Variants in AKAP7 observed in about 807,000 individuals in gnomAD.
AKAP7 encodes A kinase (PRKA) anchor protein 7.
Under a neutral mutation model 39.5 loss-of-function variants are expected in AKAP7, and 39 were observed. The ratio of observed to expected loss-of-function variants is 0.99; its 90% CI spans 0.76 to 1.29. The LOEUF is 1.29. AKAP7 is among the 50% of genes most tolerant of loss of function. AKAP7 has a pLI of 0.00. For synonymous variants in AKAP7, 140 were observed against 139.1 expected (o/e 1.01, Z -0.05); for missense variants, 414 against 407.7 (o/e 1.02, Z -0.13).
chr6:131,152,972 C>A (rs1182236124), intron 2 of AKAP7, among the ~76,000 whole-genome samples: 2 of 149,700 alleles, frequency 1.3e-5, no homozygotes, highest in Non-Finnish European at 3.0e-5. Context: ...ACTAAAAATA[C>A]AAAAAAAATT....
Position 131,135,731 on chromosome 6 carries a change from A to C in AKAP7, c.-33A>C, listed in dbSNP as rs1414515509. Reference sequence around the variant, plus strand: ...GCGGCCCGCCACCGCCGCTGCCGCCAGCCCAGACGCGCCGCCCGCATGCGC... The same window carrying C: ...GCGGCCCGCCACCGCCGCTGCCGCCCGCCCAGACGCGCCGCCCGCATGCGC... On this transcript the variant is annotated 5_prime_UTR_variant, in exon 1 of 8. Transcript: ENST00000431975. The C allele has an allele frequency of 8.2e-7, 1 of 1,212,994 alleles. No homozygotes were observed. The highest frequency in any genetic ancestry group is 1.0e-6 in the Non-Finnish European group (1 of 978,074). The allele number at this position is 1,212,994 out of a possible 1,614,324, so 75.1% of individuals were successfully genotyped here.
chr6:131,276,533 C>A (rs531397044), intron 7 of AKAP7, among the ~76,000 whole-genome samples: 2 of 149,814 alleles, frequency 1.3e-5, no homozygotes, highest in South Asian at 4.3e-4. Flanking sequence ...GTTAGATGGA[C>A]AAAAGAAAAG....
In AKAP7 at chr6:131,241,591, G is replaced by A. The variant is rs1274119574; in HGVS notation, c.850+21783G>A. On this transcript the variant is annotated intron_variant, in intron 7 of 7. Coordinates refer to ENST00000431975, the MANE Select transcript of AKAP7 (RefSeq NM_016377.4). ...AGATTATATATATGTGTGTGTGTGT[G>A]TGTGTGTGTGTGTGTGTGTGTGTGT... Among the ~76,000 whole-genome samples the A allele has an allele frequency of 1.0e-3, 71 of 71,260 alleles. 6 individuals carry two copies. Among genetic ancestry groups the A allele is most frequent in the Non-Finnish European group, 1.3e-3 (43 of 32,090 alleles). 46.7% of individuals were successfully genotyped at this position (71,260 alleles called of 152,430 possible). A position where few individuals can be genotyped will look rare whatever the true frequency, so the allele number is the denominator to read the frequency against.
intron 7 of AKAP7, among the ~76,000 whole-genome samples, chr6:131,245,258 T>C (rs1339370806): frequency 1.3e-5 from 2 of 151,136 alleles, no homozygotes; most frequent in Non-Finnish European, 3.0e-5. Flanking sequence ...TTTTTTTTTT[T>C]TTCTTGAGAT....
chr6:131,204,781 A>G (rs1249214058), intron 6 of AKAP7, among the ~76,000 whole-genome samples: 2 of 152,162 alleles, frequency 1.3e-5, no homozygotes, highest in Non-Finnish European at 2.9e-5. Flanking sequence ...TTCCATTGTC[A>G]TGGGAGTGGT....
At chr6:131,265,944 C>A (rs1483907634) in intron 7 of AKAP7, among the ~76,000 whole-genome samples, 1 of 152,136 alleles carries the variant, frequency 6.6e-6, no homozygotes, top group Non-Finnish European at 1.5e-5. Flanking sequence ...ATTGTCACAA[C>A]TAAGTAAAGA....
chr6:131,178,196 G>C (rs1479941140), intron 5 of AKAP7, among the ~76,000 whole-genome samples: 1 of 152,222 alleles, frequency 6.6e-6, no homozygotes, highest in Admixed American at 6.5e-5. Flanking sequence ...CACAAAGTGA[G>C]CTTTGGAGTC....
At chr6:131,229,828 T>C (rs1490464594) in intron 7 of AKAP7, among the ~76,000 whole-genome samples, 5 of 152,240 alleles carry the variant, frequency 3.3e-5, no homozygotes, top group East Asian at 3.8e-4. Flanking sequence ...AGTGTCCTTA[T>C]GTCCCTTGCC....
intron 2 of AKAP7, 90 bp from the exon 3 acceptor site, chr6:131,159,969 A>C: frequency 8.5e-7 from 1 of 1,176,244 alleles, no homozygotes; most frequent in African/African-American, 1.6e-5. Context: ...CTGATGAATG[A>C]TTGCTACTTA....
intron 7 of AKAP7, among the ~76,000 whole-genome samples, chr6:131,245,106 G>A (rs1286707699): frequency 1.3e-5 from 2 of 152,090 alleles, no homozygotes; most frequent in Non-Finnish European, 2.9e-5. Flanking sequence ...AAGTTTTTTC[G>A]GTTGTGGTTT....
chr6:131,246,316 TATG>T (rs956834714), intron 7 of AKAP7, among the ~76,000 whole-genome samples: 1 of 152,110 alleles, frequency 6.6e-6, no homozygotes, highest in Admixed American at 6.5e-5. Flanking sequence ...AAGCCCAAAA[TATG>T]ATAGCAAATA....
At chr6:131,185,327 T>C in intron 5 of AKAP7, 1 of 508,224 alleles carries the variant, frequency 2.0e-6, no homozygotes, top group South Asian at 1.8e-5. Flanking sequence ...CATCCAGCTG[T>C]AATAATTGTT....
At chr6:131,259,100 TGCCATGTGAATTACATCAG>T (rs1813100893) in intron 7 of AKAP7, among the ~76,000 whole-genome samples, 1 of 152,232 alleles carries the variant, frequency 6.6e-6, no homozygotes, top group African/African-American at 2.4e-5. Flanking sequence ...TGTTGGCATT[TGCCATGTGAATTACATCAG>T]GCTTCAGTTT....
At position 131,192,920 on chromosome 6, in the gene AKAP7, A is replaced by AT. The variant is rs576938542; in HGVS notation, c.590-6540dup. Among the ~76,000 whole-genome samples the AT allele has an allele frequency of 3.9e-5, 6 of 152,258 alleles. No individual in the cohort carries two copies. The South Asian group carries it at 6.2e-4, about 16-fold the overall frequency. On this transcript the variant is annotated intron_variant, in intron 5 of 7. Transcript: ENST00000431975. ...ATATAGAAATGCTACTGACTTTTGT[A>AT]TGTTGATTTCGTATTCTGCAACTTT...
intron 3 of AKAP7, among the ~76,000 whole-genome samples, chr6:131,163,902 T>A (rs1482353325): frequency 6.6e-6 from 1 of 151,958 alleles, no homozygotes; most frequent in African/African-American, 2.4e-5. Context: ...TTGCTCAAAC[T>A]AAATTCTACA....
intron 5 of AKAP7, among the ~76,000 whole-genome samples, chr6:131,190,574 G>A (rs1278390646): frequency 6.6e-6 from 1 of 151,838 alleles, no homozygotes; most frequent in African/African-American, 2.4e-5. Context: ...CTTGGGAGGT[G>A]GTGGAGGTTG....
At chr6:131,144,967 G>T (rs1010711561) in intron 1 of AKAP7, among the ~76,000 whole-genome samples, 3 of 152,138 alleles carry the variant, frequency 2.0e-5, no homozygotes, top group African/African-American at 7.2e-5. Flanking sequence ...TAAAAGGTAC[G>T]TGAAAAAACG....
upstream of AKAP7, among the ~76,000 whole-genome samples, chr6:131,134,219 G>A (rs143731886): frequency 1.3e-5 from 2 of 152,206 alleles, no homozygotes; most frequent in African/African-American, 4.8e-5. Context: ...TGATCCACTC[G>A]CCTTGACCTC....
Position 131,262,611 on chromosome 6 carries a change from T to A in AKAP7, c.851-18919T>A, listed in dbSNP as rs201971758. Among the ~76,000 whole-genome samples the A allele has an allele frequency of 2.8e-4, 41 of 146,058 alleles. No homozygotes were observed. The East Asian group carries it at 9.4e-3, about 34-fold the overall frequency. ...ATGACCACTTCAAAAGAAATAATTT[T>A]TAAAAAAATATATATATATTGCAAT... On this transcript the variant is annotated intron_variant, in intron 7 of 7. Coordinates refer to ENST00000431975, the MANE Select transcript of AKAP7 (RefSeq NM_016377.4).
Sources: allele counts gnomAD v4.1 joint callset (sites outside exome capture counted in the v4.1 genomes callset), GRCh38; gene constraint gnomAD v4.1.1; transcripts MANE v1.5; gene names NCBI Gene and HGNC (gene_info 2026-07-23, HGNC 2026-07-21).